Variants in CCSER1 observed in about 807,000 individuals in gnomAD.
The protein encoded by CCSER1 is serine-rich coiled-coil domain-containing protein 1.
In CCSER1, 41 loss-of-function variants were observed where a neutral mutation model predicts 82.0. The ratio of observed to expected loss-of-function variants is 0.50; its 90% confidence interval spans 0.39 to 0.65. The LOEUF (loss-of-function observed/expected upper bound fraction) is 0.65, where lower values mean the gene tolerates loss of function less well. CCSER1 is among the 30% of genes least tolerant of loss of function. CCSER1 has a pLI of 0.00. For synonymous variants in CCSER1, 414 were observed against 383.9 expected, an observed-to-expected ratio of 1.08 and a Z score of -0.92; for missense variants, 1,119 against 1,064.2, an observed-to-expected ratio of 1.05 and a Z score of -0.72.
chr4:90,881,861 A>T (rs768944804), intron 8 of CCSER1, among the ~76,000 whole-genome samples: 2 of 150,886 alleles, frequency 1.3e-5, no homozygotes. Flanking sequence ...TCCCCTGTCT[A>T]TTCCACTCTC....
intron 9 of CCSER1, among the ~76,000 whole-genome samples, chr4:91,046,326 G>A (rs1390935542): frequency 1.3e-5 from 2 of 150,512 alleles, no homozygotes; most frequent in African/African-American, 4.9e-5. Context: ...ATTTTTCTAT[G>A]TATGTATAGT....
intron 1 of CCSER1, among the ~76,000 whole-genome samples, chr4:90,173,106 A>G (rs867900609): frequency 3.4e-4 from 51 of 151,914 alleles, no homozygotes; most frequent in African/African-American, 5.5e-4. Flanking sequence ...CAGAAGATGT[A>G]TCTTAGAATA....
At chr4:91,515,709 T>TG (rs1379818151) in intron 10 of CCSER1, among the ~76,000 whole-genome samples, 1 of 152,140 alleles carries the variant, frequency 6.6e-6, no homozygotes, top group Non-Finnish European at 1.5e-5. Flanking sequence ...TTCTTTTGGA[T>TG]ATATACCCAC....
At chr4:90,204,747 G>C (rs1273246807) in intron 1 of CCSER1, among the ~76,000 whole-genome samples, 1 of 152,200 alleles carries the variant, frequency 6.6e-6, no homozygotes, top group Non-Finnish European at 1.5e-5. Context: ...ATGGTAGCTT[G>C]ATGGGGATAG....
rs72883338 is a variant in CCSER1, at chr4:90,381,903, A to G, written c.1510-18133A>G. On this transcript the variant is annotated intron_variant, in intron 3 of 10. Coordinates refer to ENST00000509176, the MANE Select transcript of CCSER1 (RefSeq NM_001145065.2). ...TTTTTTAAATTCCACTAATTTATAT[A>G]TTAATGAATTTGAATTGACTGGTTT... Among the ~76,000 whole-genome samples, 1,122 of 152,218 alleles carry G rather than the reference A, an allele frequency of 7.4e-3. 12 individuals are homozygous for G. The highest frequency in any genetic ancestry group is 0.026 in the African/African-American group (1,065 of 41,558).
chr4:91,303,558 G>A (rs1230114730), intron 10 of CCSER1, among the ~76,000 whole-genome samples: 1 of 151,912 alleles, frequency 6.6e-6, no homozygotes, highest in Non-Finnish European at 1.5e-5. Context: ...GGCTGAAGTG[G>A]GAGGATCACT....
chr4:90,157,036 G>A (rs1728362610), intron 1 of CCSER1, among the ~76,000 whole-genome samples: 1 of 152,132 alleles, frequency 6.6e-6, no homozygotes, highest in African/African-American at 2.4e-5. Context: ...CATGTTTAGT[G>A]CTTCCTTCAG....
chr4:90,918,772 CACACAA>C (rs1257067672), intron 8 of CCSER1, among the ~76,000 whole-genome samples: 1 of 151,362 alleles, frequency 6.6e-6, no homozygotes, highest in African/African-American at 2.4e-5. Context: ...CACACACACA[CACACAA>C]ACACACACAC....
chr4:90,304,232 C>T (rs1256870220), intron 1 of CCSER1, among the ~76,000 whole-genome samples: 1 of 152,228 alleles, frequency 6.6e-6, no homozygotes. Flanking sequence ...TTGTGGAAGT[C>T]AGTGTGGCGA....
At chr4:91,531,815 T>C (rs541644761) in intron 10 of CCSER1, among the ~76,000 whole-genome samples, 1 of 152,328 alleles carries the variant, frequency 6.6e-6, no homozygotes, top group South Asian at 2.1e-4. Context: ...CAATGAAATA[T>C]CTGCTCTCAT....
At chr4:91,164,408 T>C (rs1193536340) in intron 10 of CCSER1, among the ~76,000 whole-genome samples, 1 of 152,178 alleles carries the variant, frequency 6.6e-6, no homozygotes, top group Admixed American at 6.5e-5. Flanking sequence ...ATTATGTGTC[T>C]TGGGGTTGCT....
At chr4:90,945,433 C>G (rs547679577) in intron 9 of CCSER1, among the ~76,000 whole-genome samples, 1 of 152,012 alleles carries the variant, frequency 6.6e-6, no homozygotes, top group Non-Finnish European at 1.5e-5. Flanking sequence ...AATATAATTG[C>G]CTTTCTCAAA....
chr4:91,374,709 A>C (rs1750278774), intron 10 of CCSER1, among the ~76,000 whole-genome samples: 2 of 152,364 alleles, frequency 1.3e-5, no homozygotes, highest in South Asian at 2.1e-4. Flanking sequence ...TTAGAAATAC[A>C]TTTAGGCCGG....
chr4:91,083,919 T>C (rs1343751434), intron 9 of CCSER1, among the ~76,000 whole-genome samples: 1 of 152,132 alleles, frequency 6.6e-6, no homozygotes, highest in African/African-American at 2.4e-5. Context: ...GTAGGAAAAT[T>C]GAGGGTCAGA....
At chr4:90,156,466 A>G (rs980169595) in intron 1 of CCSER1, among the ~76,000 whole-genome samples, 1 of 152,148 alleles carries the variant, frequency 6.6e-6, no homozygotes, top group Non-Finnish European at 1.5e-5. Context: ...TAATGTTGAC[A>G]GTGGGGCGTT....
At chr4:90,311,343 T>C (rs1344405520) in intron 2 of CCSER1, among the ~76,000 whole-genome samples, 2 of 152,140 alleles carry the variant, frequency 1.3e-5, no homozygotes, top group African/African-American at 4.8e-5. Context: ...AATTAGAGAA[T>C]GATCAGTTAT....
chr4:91,064,729 C>CAAGTA (rs1214638214), intron 9 of CCSER1, among the ~76,000 whole-genome samples: 1 of 151,808 alleles, frequency 6.6e-6, no homozygotes, highest in Non-Finnish European at 1.5e-5. Flanking sequence ...CTTCAAAAGC[C>CAAGTA]ACATTGCTGG....
chr4:90,441,447 G>C (rs1242047246), intron 4 of CCSER1, among the ~76,000 whole-genome samples: 2 of 152,018 alleles, frequency 1.3e-5, no homozygotes, highest in African/African-American at 2.4e-5. Context: ...TCATATGGTG[G>C]GGGAAAGAAA....
intron 10 of CCSER1, among the ~76,000 whole-genome samples, chr4:91,443,698 T>C (rs994770182): frequency 7.4e-5 from 11 of 147,806 alleles, no homozygotes; most frequent in African/African-American, 2.7e-4. Flanking sequence ...ATATTAGCGA[T>C]CAGAAAAAAA....
Sources: allele counts gnomAD v4.1 joint callset (sites outside exome capture counted in the v4.1 genomes callset), GRCh38; gene constraint gnomAD v4.1.1; transcripts MANE v1.5; gene names NCBI Gene and HGNC (gene_info 2026-07-23, HGNC 2026-07-21).